Variants in RPTOR observed in about 807,000 individuals in gnomAD.
RPTOR encodes the protein regulatory-associated protein of mTOR.
A neutral mutation model predicts 169.9 loss-of-function variants in RPTOR; 21 were observed. The ratio of observed to expected loss-of-function variants is 0.12; its 90% CI spans 0.09 to 0.18. RPTOR has a LOEUF of 0.18. Ranked by LOEUF, RPTOR falls within the 10% of genes least tolerant of loss-of-function variation. The pLI is 1.00. For synonymous variants in RPTOR, 732 were observed against 753.2 expected, an observed-to-expected ratio of 0.97 and a Z score of 0.46; for missense variants, 1,133 against 1,855.9, an observed-to-expected ratio of 0.61 and a Z score of 7.16.
At position 80,633,644 on chromosome 17, in the gene RPTOR, C is replaced by A. The variant is rs1293804669; in HGVS notation, c.265+7851C>A. ...AGATCTTCTCACCTGATTCAGCTGG[C>A]GCCTGCTGGACCTCATGTGAAATTC... On this transcript the variant is annotated intron_variant, in intron 2 of 33. Coordinates refer to ENST00000306801, the MANE Select transcript of RPTOR (RefSeq NM_020761.3). The surrounding 1 kb of genome is among the most constrained non-coding windows in gnomAD (Gnocchi z 4.1). 1.3e-5 allele frequency among the ~76,000 whole-genome samples: 2 copies of A among 152,330 alleles called. No individual in the cohort carries two copies. The highest frequency in any genetic ancestry group is 2.1e-4 in the South Asian group (1 of 4,822).
At position 80,964,805 on chromosome 17, in the gene RPTOR, A is replaced by C. The variant is rs908453496; in HGVS notation, c.*475A>C. ...GAGAGGCGCTGCCCCAGCCAGGCCC[A>C]CCACCTCTCACAGTCAGTGCACGCA... On this transcript the variant is annotated 3_prime_UTR_variant, in exon 34 of 34. Coordinates refer to ENST00000306801, the MANE Select transcript of RPTOR (RefSeq NM_020761.3). The C allele has an allele frequency of 1.2e-5, 3 of 240,996 alleles. No individual in the cohort carries two copies. The highest frequency in any genetic ancestry group is 2.4e-5 in the Non-Finnish European group (3 of 122,684). 14.9% of individuals were successfully genotyped at this position (240,996 alleles called of 1,614,324 possible).
At position 80,774,646 on chromosome 17, in the gene RPTOR, G is replaced by A. The variant is rs190855955; in HGVS notation, c.831-16804G>A. Among the ~76,000 whole-genome samples, 25 of 152,284 alleles carry A rather than the reference G, an allele frequency of 1.6e-4. No homozygotes were observed. In the East Asian group the frequency reaches 3.9e-3, roughly 24 times the overall value. On this transcript the variant is annotated intron_variant, in intron 6 of 33. Coordinates refer to ENST00000306801, the MANE Select transcript of RPTOR (RefSeq NM_020761.3). ...TTATCACTTTACTTGATGCCGTGCC[G>A]TACTTTACACGAGAACCAGCTTCCC...
chr17:80,772,427 C>G (rs1598294669), intron 6 of RPTOR, among the ~76,000 whole-genome samples: 1 of 144,664 alleles, frequency 6.9e-6, no homozygotes, highest in East Asian at 2.1e-4. Context: ...GACTGGTTCC[C>G]CCTGTCTCTC....
chr17:80,808,501 G>C (rs1163571730), intron 7 of RPTOR, among the ~76,000 whole-genome samples: 10 of 152,184 alleles, frequency 6.6e-5, no homozygotes, highest in Admixed American at 6.5e-4. Context: ...GTTTGAAAAT[G>C]CCATCATTTC....
chr17:80,697,553 C>T (rs189123718), intron 3 of RPTOR, among the ~76,000 whole-genome samples: 25 of 152,202 alleles, frequency 1.6e-4, no homozygotes, highest in East Asian at 1.2e-3. Flanking sequence ...AGGAGGAGGG[C>T]GGCGTGATAG....
intron 3 of RPTOR, among the ~76,000 whole-genome samples, chr17:80,678,796 C>G (rs556288018): frequency 6.6e-6 from 1 of 152,114 alleles, no homozygotes; most frequent in East Asian, 1.9e-4. Flanking sequence ...GAGTCACTTG[C>G]GATCTTTCCG....
chr17:80,925,976 C>G (rs994048849), intron 24 of RPTOR, among the ~76,000 whole-genome samples: 1 of 152,224 alleles, frequency 6.6e-6, no homozygotes, highest in African/African-American at 2.4e-5. Context: ...CGGCGGCTCT[C>G]GGCCTCTTCG....
At chr17:80,773,338 A>G (rs1236443688) in intron 6 of RPTOR, among the ~76,000 whole-genome samples, 3 of 152,146 alleles carry the variant, frequency 2.0e-5, no homozygotes, top group Admixed American at 2.0e-4. Context: ...GCTACATCAC[A>G]CTCTGGTAAA....
intron 9 of RPTOR, among the ~76,000 whole-genome samples, chr17:80,833,228 G>A (rs2067526456): frequency 6.6e-6 from 1 of 152,220 alleles, no homozygotes; most frequent in Non-Finnish European, 1.5e-5. Context: ...TGAAAACCCA[G>A]CTCTTGCCTG....
chr17:80,624,767 A>G (rs940927412), intron 1 of RPTOR, among the ~76,000 whole-genome samples: 5 of 152,210 alleles, frequency 3.3e-5, no homozygotes, highest in African/African-American at 4.8e-5. Context: ...TAAAACAGAA[A>G]CACTGTACCA....
At position 80,584,664 on chromosome 17, in the gene RPTOR, C is replaced by T. The variant is rs1256245252; in HGVS notation, c.162+38873C>T. On this transcript the variant is annotated intron_variant, in intron 1 of 33. Transcript: ENST00000306801. ...CCTTTTGACTTCTTTGGGGCTTCCC[C>T]TTATCTGAGACTGGCCCACCGCAGA... 2.0e-5 allele frequency among the ~76,000 whole-genome samples: 3 copies of T among 152,332 alleles called. No homozygotes were observed. In the East Asian group the frequency reaches 5.8e-4, roughly 29 times the overall value.
At chr17:80,881,745 C>T (rs979227436) in intron 14 of RPTOR, among the ~76,000 whole-genome samples, 6 of 152,150 alleles carry the variant, frequency 3.9e-5, no homozygotes, top group Non-Finnish European at 8.8e-5. Flanking sequence ...CGCCTGAGCC[C>T]GGGGAAGTCA....
At chr17:80,791,837 C>T (rs961921436) in intron 7 of RPTOR, among the ~76,000 whole-genome samples, 3 of 152,236 alleles carry the variant, frequency 2.0e-5, no homozygotes, top group African/African-American at 7.2e-5. Flanking sequence ...GAAATGATAG[C>T]TAGATCATAG....
intron 5 of RPTOR, among the ~76,000 whole-genome samples, chr17:80,738,722 C>T (rs1358257992): frequency 6.6e-6 from 1 of 152,192 alleles, no homozygotes; most frequent in East Asian, 1.9e-4. Context: ...TTATGTAAAC[C>T]TGTCAAGAAT....
At position 80,634,739 on chromosome 17, in the gene RPTOR, T is replaced by C. The variant is rs1188614535; in HGVS notation, c.265+8946T>C. On this transcript the variant is annotated intron_variant, in intron 2 of 33. Coordinates refer to ENST00000306801, the MANE Select transcript of RPTOR (RefSeq NM_020761.3). ...GCGTACTGTGTGTGTGCGTACTGTGTGTGTGCATACTGTGTGTGTGCGTAC... is the reference window on the plus strand; with the variant it reads ...GCGTACTGTGTGTGTGCGTACTGTGCGTGTGCATACTGTGTGTGTGCGTAC... Among the ~76,000 whole-genome samples the C allele has an allele frequency of 1.5e-4, 16 of 107,210 alleles. 1 individual carries two copies. The highest frequency in any genetic ancestry group is 1.4e-3 in the South Asian group (5 of 3,570). The allele number at this position is 107,210 out of a possible 152,430, so 70.3% of individuals were successfully genotyped here.
rs772953730 is a variant in RPTOR at position 80,959,224 on chromosome 17, G to T, written c.3478-854G>T. ...GCTTTCATGGCACCTTCTTTGGGGT[G>T]GGGGGGTCTTGCACCTGTCTGGAGC... On this transcript the variant is annotated intron_variant, in intron 29 of 33. Transcript: ENST00000306801. This position sits in a 1 kb window ranked among gnomAD's most constrained non-coding sequence, Gnocchi z 6.7. Among the ~76,000 whole-genome samples, 48 of 152,296 alleles carry T rather than the reference G, an allele frequency of 3.2e-4. No homozygotes were observed. Among genetic ancestry groups the T allele is most frequent in the African/African-American group, 9.1e-4 (38 of 41,564 alleles).
chr17:80,961,155 G>A (rs763169949), intron 30 of RPTOR: 16 of 495,790 alleles, frequency 3.2e-5, no homozygotes, highest in Non-Finnish European at 4.3e-5. Flanking sequence ...GCGGCCTGAC[G>A]GTGACCTAGG....
chr17:80,602,669 C>T (rs932755471), intron 1 of RPTOR: 28 of 705,774 alleles, frequency 4.0e-5, no homozygotes, highest in East Asian at 2.4e-4. Flanking sequence ...TGGATAACCA[C>T]GCACGGATGC....
chr17:80,884,508 C>T (rs1381497453), intron 16 of RPTOR, among the ~76,000 whole-genome samples: 1 of 152,202 alleles, frequency 6.6e-6, no homozygotes. Flanking sequence ...AGTGACTTCT[C>T]CCCAGGACCA....
Sources: gnomAD v4.1 joint callset for allele counts (sites outside exome capture counted in the v4.1 genomes callset) on GRCh38, gnomAD v4.1.1 for gene constraint, Gnocchi (gnomAD v3.1) non-coding constraint, MANE v1.5 for transcripts, NCBI Gene and HGNC (gene_info 2026-07-23, HGNC 2026-07-21) for gene names.